The following GRID2 variants were observed in gnomAD, a reference collection of about 807,000 sequenced individuals.
GRID2 encodes the protein glutamate receptor ionotropic, delta-2.
Under a neutral mutation model 114.8 loss-of-function variants are expected in GRID2, and 33 were observed. The observed-to-expected ratio is 0.29, with a 90% confidence interval of 0.22 to 0.38. GRID2 has a LOEUF of 0.38. GRID2 is among the 10% of genes least tolerant of loss of function. The pLI, the probability that GRID2 is intolerant of heterozygous loss-of-function variation, is 1.00. For synonymous variants in GRID2, 505 were observed against 449.9 expected, an observed-to-expected ratio of 1.12 and a Z score of -1.55; for missense variants, 1,184 against 1,257.7, an observed-to-expected ratio of 0.94 and a Z score of 0.89.
At position 92,896,977 on chromosome 4, in the gene GRID2, A is replaced by G. The variant is rs1747211923; in HGVS notation, c.245-188018A>G. On this transcript the variant is annotated intron_variant, in intron 2 of 15. Transcript: ENST00000282020. ...GGCTGATCTCGAACTCCTGACCTCA[A>G]GTGATCCACCTTCCTCGGTCTCCCA... Among the ~76,000 whole-genome samples the G allele has an allele frequency of 3.9e-5, 6 of 152,066 alleles. No individual in the cohort carries two copies. The South Asian group carries it at 1.2e-3, about 32-fold the overall frequency.
intron 11 of GRID2, among the ~76,000 whole-genome samples, chr4:93,468,841 AT>A (rs1724534364): frequency 6.6e-6 from 1 of 152,106 alleles, no homozygotes; most frequent in Non-Finnish European, 1.5e-5. Context: ...CATCTGGCAT[AT>A]TTGAGGATTT....
chr4:93,380,051 C>T (rs1763712049), intron 8 of GRID2, among the ~76,000 whole-genome samples: 1 of 152,016 alleles, frequency 6.6e-6, no homozygotes, highest in African/African-American at 2.4e-5. Flanking sequence ...AAAGTATGTC[C>T]ATGAACTAAT....
chr4:92,323,736 G>A (rs1726449024), intron 1 of GRID2, among the ~76,000 whole-genome samples: 1 of 151,970 alleles, frequency 6.6e-6, no homozygotes, highest in African/African-American at 2.4e-5. Flanking sequence ...ATTTTGGCCT[G>A]ATCCTTAAGT....
At chr4:93,001,957 T>G (rs531830476) in intron 2 of GRID2, among the ~76,000 whole-genome samples, 18 of 151,858 alleles carry the variant, frequency 1.2e-4, no homozygotes, top group African/African-American at 3.9e-4. Context: ...TTTCAATTTT[T>G]TTTCAAGCAG....
At chr4:93,583,307 CT>C (rs1446347550) in intron 13 of GRID2, among the ~76,000 whole-genome samples, 1 of 152,062 alleles carries the variant, frequency 6.6e-6, no homozygotes, top group Non-Finnish European at 1.5e-5. Context: ...AGGAATTATT[CT>C]TTATAATTAA....
Position 93,807,054 on chromosome 4 carries a change from C to G in GRID2, c.*181C>G, listed in dbSNP as rs17362732. On this transcript the variant is annotated 3_prime_UTR_variant, in exon 2 of 2. Coordinates refer to the GRID2 transcript ENST00000637838. Reference sequence around the variant, plus strand: ...ACAGAAATCCTTGCTGTAATCCACTCATAGAAGAGTAACGACAGGACTGCT... The same window carrying G: ...ACAGAAATCCTTGCTGTAATCCACTGATAGAAGAGTAACGACAGGACTGCT... 5.4e-3 allele frequency: 824 copies of G among 152,426 alleles called. 5 individuals carry two copies. Among genetic ancestry groups the G allele is most frequent in the Non-Finnish European group, 9.7e-3 (663 of 68,100 alleles). The allele number at this position is 152,426 out of a possible 1,614,324, so 9.4% of individuals were successfully genotyped here.
intron 2 of GRID2, among the ~76,000 whole-genome samples, chr4:92,610,331 A>T (rs888497787): frequency 6.6e-6 from 1 of 151,632 alleles, no homozygotes; most frequent in East Asian, 1.9e-4. Context: ...CTGGACTGCT[A>T]TGAGTAAGAG....
intron 4 of GRID2, among the ~76,000 whole-genome samples, chr4:93,163,288 A>T (rs1412396245): frequency 6.9e-6 from 1 of 145,748 alleles, no homozygotes; most frequent in East Asian, 2.0e-4. Flanking sequence ...CCAAAATATC[A>T]AGAGTGGTTA....
chr4:92,439,106 G>C (rs1732882246), intron 1 of GRID2, among the ~76,000 whole-genome samples: 1 of 152,022 alleles, frequency 6.6e-6, no homozygotes. Flanking sequence ...GGTAGGTAAA[G>C]GAAAATTACA....
At position 92,724,270 on chromosome 4, in the gene GRID2, T is replaced by G. The variant is rs555904818; in HGVS notation, c.244+133984T>G. 7.2e-5 allele frequency among the ~76,000 whole-genome samples: 11 copies of G among 152,232 alleles called. 1 individual carries two copies. The highest frequency in any genetic ancestry group is 1.3e-4 in the Admixed American group (2 of 15,260). On this transcript the variant is annotated intron_variant, in intron 2 of 15. Coordinates refer to ENST00000282020, the MANE Select transcript of GRID2 (RefSeq NM_001510.4). ...CTGGTCTGAGAATAAAATATTTCCA[T>G]GCCACAAATCTCTTTCACCACCACT...
rs546827152 is a variant in GRID2 at position 93,115,092 on chromosome 4, T to TTGTGTGTG, written c.735+4163_735+4170dup. Among the ~76,000 whole-genome samples the TTGTGTGTG allele has an allele frequency of 1.5e-4, 21 of 142,792 alleles. 1 individual carries two copies. The highest frequency in any genetic ancestry group is 4.5e-4 in the South Asian group (2 of 4,434). The allele number at this position is 142,792 out of a possible 152,430, so 93.7% of individuals were successfully genotyped here. A position where few individuals can be genotyped will look rare whatever the true frequency, so the allele number is the denominator to read the frequency against. ...CAATTCAGAATGTGTCTGTGTGTGCTTGTGTGTGTGTGTGTGTGTGTGTGT... is the reference window on the plus strand; with the variant it reads ...CAATTCAGAATGTGTCTGTGTGTGCTTGTGTGTGTGTGTGTGTGTGTGTGTGTGTGTGT... On this transcript the variant is annotated intron_variant, in intron 4 of 15. Coordinates refer to ENST00000282020, the MANE Select transcript of GRID2 (RefSeq NM_001510.4).
At chr4:92,909,384 A>C (rs185547197) in intron 2 of GRID2, among the ~76,000 whole-genome samples, 9 of 152,222 alleles carry the variant, frequency 5.9e-5, no homozygotes, top group Admixed American at 5.9e-4. Context: ...ATTCCATTAT[A>C]AACACCTTCC....
intron 10 of GRID2, among the ~76,000 whole-genome samples, chr4:93,450,421 A>G (rs1034078257): frequency 6.6e-6 from 1 of 151,944 alleles, no homozygotes; most frequent in African/African-American, 2.4e-5. Flanking sequence ...AAAACACATG[A>G]TACTTGGTAT....
At chr4:92,809,974 G>GA (rs1231102609) in intron 2 of GRID2, among the ~76,000 whole-genome samples, 1 of 151,856 alleles carries the variant, frequency 6.6e-6, no homozygotes, top group African/African-American at 2.4e-5. Context: ...TTTCATTTTT[G>GA]AAAATATAGT....
intron 2 of GRID2, among the ~76,000 whole-genome samples, chr4:92,930,620 A>C (rs1156789906): frequency 6.8e-6 from 1 of 147,740 alleles, no homozygotes; most frequent in Non-Finnish European, 1.5e-5. Context: ...AATGTGAATA[A>C]ATTTACAACA....
intron 14 of GRID2, among the ~76,000 whole-genome samples, chr4:93,733,617 G>A (rs934765439): frequency 2.6e-5 from 4 of 151,958 alleles, no homozygotes; most frequent in South Asian, 2.1e-4. Context: ...CCTACCCAAG[G>A]AAAGAGACTT....
At chr4:93,020,389 C>A (rs1723165585) in intron 2 of GRID2, among the ~76,000 whole-genome samples, 1 of 151,814 alleles carries the variant, frequency 6.6e-6, no homozygotes, top group African/African-American at 2.4e-5. Context: ...CAAAGAAATC[C>A]TGCTGTTCAT....
chr4:92,833,269 A>C (rs1742240781), intron 2 of GRID2, among the ~76,000 whole-genome samples: 1 of 152,186 alleles, frequency 6.6e-6, no homozygotes, highest in South Asian at 2.1e-4. Context: ...GTTTTCCATA[A>C]ATATTGGTTA....
intron 8 of GRID2, among the ~76,000 whole-genome samples, chr4:93,239,267 T>G (rs1196538624): frequency 6.7e-6 from 1 of 149,126 alleles, no homozygotes; most frequent in Non-Finnish European, 1.5e-5. Context: ...CATATATATA[T>G]CATATAAATA....
Sources: gnomAD v4.1 joint callset for allele counts (sites outside exome capture counted in the v4.1 genomes callset) on GRCh38, gnomAD v4.1.1 for gene constraint, MANE v1.5 for transcripts, NCBI Gene and HGNC (gene_info 2026-07-23, HGNC 2026-07-21) for gene names.